Variants in FOLR1 observed in about 807,000 individuals in gnomAD.
FOLR1 encodes folate receptor alpha, also known as KB cells FBP.
Under a neutral mutation model 22.8 loss-of-function variants are expected in FOLR1, and 11 were observed. The observed-to-expected ratio is 0.48, with a 90% CI of 0.30 to 0.80. The LOEUF is 0.80. Among genes scored for constraint, FOLR1 ranks in the 30% least tolerant of loss-of-function variants. The probability of loss-of-function intolerance (pLI) is 0.06; values close to 1 mark genes in which losing one functional copy is unlikely to be tolerated. For missense variants in FOLR1, 273 were observed against 320.3 expected (o/e 0.85, Z 1.13); for synonymous variants, 108 against 116.5 (o/e 0.93, Z 0.47).
chr11:72,195,866 A>T lies in FOLR1; in HGVS notation c.494-31A>T, dbSNP rs187383043. 7.4e-6 allele frequency: 12 copies of T among 1,614,172 alleles called. No homozygotes were observed. In the East Asian group the frequency reaches 2.7e-4, roughly 36 times the overall value. ...CAGACCTCAAGATAGTTCCGGGCCCAGTGGCTAAAGGTCTTCCCTCCTCTC... is the reference window on the plus strand; with the variant it reads ...CAGACCTCAAGATAGTTCCGGGCCCTGTGGCTAAAGGTCTTCCCTCCTCTC... On this transcript the variant is annotated intron_variant, in intron 3 of 3. Coordinates refer to ENST00000393676, the MANE Select transcript of FOLR1 (RefSeq NM_016729.3).
In FOLR1 at chr11:72,196,131, C is replaced by G. The variant is rs1479805229; in HGVS notation, c.728C>G (p.Pro243Arg). 1 of 1,614,206 alleles carries G rather than the reference C, an allele frequency of 6.2e-7. No homozygotes were observed. The highest frequency in any genetic ancestry group is 8.5e-7 in the Non-Finnish European group (1 of 1,180,040). ...MSGAGPWAAWPFLLSLALMLL... is the reference protein window; with the variant it reads ...MSGAGPWAAWRFLLSLALMLL... ...GGGGCTGGGCCCTGGGCAGCCTGGC[C>G]TTTCCTGCTTAGCCTGGCCCTAATG... Residue 243 changes from proline to arginine, a missense_variant, in exon 4 of 4, where the codon CCT becomes CGT. Coordinates refer to ENST00000393676, the MANE Select transcript of FOLR1 (RefSeq NM_016729.3).
chr11:72,192,032 A>T (rs573417526), upstream of FOLR1: 159 of 875,512 alleles, frequency 1.8e-4, no homozygotes, highest in Admixed American at 2.8e-3. Flanking sequence ...GATCTGGGAA[A>T]ACTGAGGGAG....
chr11:72,192,471 G>A (rs7938669), intron 1 of FOLR1, 130 bp downstream of exon 1: 1 of 909,338 alleles, frequency 1.1e-6, no homozygotes, highest in Non-Finnish European at 1.7e-6. Flanking sequence ...TAATATGGGT[G>A]ACTATTTCAC....
chr11:72,195,166 G>A, intron 1 of FOLR1, 105 bp from the exon 2 acceptor site: 1 of 1,147,838 alleles, frequency 8.7e-7, no homozygotes, highest in Non-Finnish European at 1.3e-6. Flanking sequence ...GACTTCCAGT[G>A]GGCTGGGGAA....
chr11:72,192,679 CTG>C (rs1948172424), intron 1 of FOLR1, among the ~76,000 whole-genome samples: 1 of 152,206 alleles, frequency 6.6e-6, no homozygotes, highest in Non-Finnish European at 1.5e-5. Context: ...AAACTGCACA[CTG>C]TGCATAGTGG....
chr11:72,192,160 C>T lies in FOLR1; in HGVS notation c.-14C>T, dbSNP rs375060832. 96 of 1,613,924 alleles carry T rather than the reference C, an allele frequency of 5.9e-5. 1 individual carries two copies. The highest frequency in any genetic ancestry group is 1.8e-4 in the South Asian group (16 of 91,082). On this transcript the variant is annotated 5_prime_UTR_variant, in exon 1 of 4. Coordinates refer to ENST00000393676, the MANE Select transcript of FOLR1 (RefSeq NM_016729.3). ...TTGGTGCCACTGACCACAGCTCTTTCTTCAGGGACAGACATGGCTCAGCGG... is the reference window on the plus strand; with the variant it reads ...TTGGTGCCACTGACCACAGCTCTTTTTTCAGGGACAGACATGGCTCAGCGG...
upstream of FOLR1, chr11:72,192,019 T>C (rs1023369502): frequency 3.1e-5 from 24 of 778,574 alleles, no homozygotes; most frequent in East Asian, 8.0e-5. Context: ...CTACCTTTCA[T>C]TGGATCTGGG....
intron 3 of FOLR1, 45 bp downstream of exon 3, chr11:72,195,792 G>A (rs1209165779): frequency 6.2e-7 from 1 of 1,614,078 alleles, no homozygotes; most frequent in Non-Finnish European, 8.5e-7. Context: ...GGAAGTGGAG[G>A]TGTGTGGGTG....
intron 1 of FOLR1, among the ~76,000 whole-genome samples, chr11:72,193,295 T>C (rs918672449): frequency 6.9e-6 from 1 of 145,594 alleles, no homozygotes; most frequent in African/African-American, 2.6e-5. Context: ...GCCACTGCAC[T>C]CCAGCCTGGG....
chr11:72,193,037 G>C (rs1246354398), intron 1 of FOLR1, among the ~76,000 whole-genome samples: 2 of 152,086 alleles, frequency 1.3e-5, no homozygotes, highest in East Asian at 3.9e-4. Flanking sequence ...AAAAAGCAGA[G>C]GAAAAGTAAT....
chr11:72,193,396 AG>A (rs560995409), intron 1 of FOLR1, among the ~76,000 whole-genome samples: 175 of 147,862 alleles, frequency 1.2e-3, no homozygotes, highest in Non-Finnish European at 2.3e-3. Flanking sequence ...GAGGGAGGAA[AG>A]GGAGGGAGGA....
chr11:72,196,288 C>A lies in FOLR1; in HGVS notation c.*111C>A. 9.5e-7 allele frequency: 1 copy of A among 1,047,126 alleles called. No individual in the cohort carries two copies. Among genetic ancestry groups the A allele is most frequent in the Non-Finnish European group, 1.5e-6 (1 of 680,444 alleles). The allele number at this position is 1,047,126 out of a possible 1,614,324, so 64.9% of individuals were successfully genotyped here. A position where few individuals can be genotyped will look rare whatever the true frequency, so the allele number is the denominator to read the frequency against. ...GCCTCTGACAGCCACTTTGAATAAA[C>A]CAGACACCGCACATGTGTCTTGAGA... On this transcript the variant is annotated 3_prime_UTR_variant, in exon 4 of 4. Transcript: ENST00000393676.
At chr11:72,195,209 A>C in intron 1 of FOLR1, 62 bp from the exon 2 acceptor site, 1 of 1,481,490 alleles carries the variant, frequency 6.7e-7, no homozygotes. Flanking sequence ...CTGCATGTGG[A>C]ATATTCTGGC....
In FOLR1 at chr11:72,192,188, G is replaced by GACA; in HGVS notation, c.19_21dup (p.Thr7dup). 1.9e-6 allele frequency: 3 copies of GACA among 1,614,180 alleles called. No homozygotes were observed. The highest frequency in any genetic ancestry group is 2.5e-6 in the Non-Finnish European group (3 of 1,180,022). ...CAGGGACAGACATGGCTCAGCGGAT[G>GACA]ACAACACAGCTGCTGCTCCTTCTAG... On this transcript the variant is annotated inframe_insertion, in exon 1 of 4. Coordinates refer to ENST00000393676, the MANE Select transcript of FOLR1 (RefSeq NM_016729.3).
chr11:72,191,992 AG>A (rs2135385196), upstream of FOLR1: 1 of 636,466 alleles, frequency 1.6e-6, no homozygotes, highest in Non-Finnish European at 2.8e-6. Flanking sequence ...CAAGCCAGGG[AG>A]GGGTGGTGTC....
rs1948235330 is a variant in FOLR1 at position 72,196,290 on chromosome 11, A to G, written c.*113A>G. The G allele has an allele frequency of 9.6e-7, 1 of 1,044,316 alleles. No homozygotes were observed. The allele number at this position is 1,044,316 out of a possible 1,614,324, so 64.7% of individuals were successfully genotyped here. ...CTCTGACAGCCACTTTGAATAAACC[A>G]GACACCGCACATGTGTCTTGAGAAT... is the stretch of plus-strand genomic sequence containing the variant. On this transcript the variant is annotated 3_prime_UTR_variant, in exon 4 of 4. Coordinates refer to ENST00000393676, the MANE Select transcript of FOLR1 (RefSeq NM_016729.3).
upstream of FOLR1, chr11:72,190,221 A>C (rs1185793188): frequency 6.6e-6 from 1 of 151,868 alleles, no homozygotes; most frequent in Non-Finnish European, 1.5e-5. Flanking sequence ...TGGGGAAAGG[A>C]TTTTCTCAGC....
chr11:72,190,966 G>A (rs546450661), upstream of FOLR1, among the ~76,000 whole-genome samples: 13 of 152,374 alleles, frequency 8.5e-5, no homozygotes, highest in South Asian at 2.5e-3. Context: ...TGGAAGATGA[G>A]TTAGAGGAGA....
At position 72,195,437 on chromosome 11, in the gene FOLR1, A is replaced by G. The variant is rs1325172613; in HGVS notation, c.335A>G (p.Asn112Ser). Reference sequence around the variant, plus strand: ...ACCTGCCTCTACGAGTGCTCCCCCAACTTGGGGCCCTGGATCCAGCAGGTA... The same window carrying G: ...ACCTGCCTCTACGAGTGCTCCCCCAGCTTGGGGCCCTGGATCCAGCAGGTA... ...QDTCLYECSP[N>S]LGPWIQQVDQ... is the part of the protein sequence containing the mutation. The change falls in exon 2 of 4, where the codon AAC becomes AGC. Residue 112 changes from asparagine to serine, a missense_variant. Transcript: ENST00000393676. 6.2e-7 allele frequency: 1 copy of G among 1,614,152 alleles called. No individual in the cohort carries two copies. Among genetic ancestry groups the G allele is most frequent in the Admixed American group, 1.7e-5 (1 of 60,012 alleles).
Sources: allele counts gnomAD v4.1 joint callset (sites outside exome capture counted in the v4.1 genomes callset), GRCh38; gene constraint gnomAD v4.1.1; transcripts MANE v1.5; gene names NCBI Gene and HGNC (gene_info 2026-07-23, HGNC 2026-07-21).